The following HIP1 variants were observed in gnomAD, a reference collection of about 807,000 sequenced individuals.
HIP1 encodes huntingtin-interacting protein 1.
A neutral mutation model predicts 147.6 loss-of-function variants in HIP1; 65 were observed. The ratio of observed to expected loss-of-function variants is 0.44; its 90% CI spans 0.36 to 0.54. The LOEUF is 0.54. Ranked by LOEUF, HIP1 falls within the 20% of genes least tolerant of loss-of-function variation. The pLI is 0.00. For synonymous variants in HIP1, 479 were observed against 504.0 expected, an observed-to-expected ratio of 0.95 and a Z score of 0.67; for missense variants, 1,061 against 1,299.6, an observed-to-expected ratio of 0.82 and a Z score of 2.82.
intron 7 of HIP1, among the ~76,000 whole-genome samples, chr7:75,579,204 G>A (rs782107364): frequency 5.9e-5 from 9 of 152,228 alleles, no homozygotes; most frequent in East Asian, 5.8e-4. Flanking sequence ...TAGATTCTGC[G>A]TTTTATTTTT....
intron 1 of HIP1, among the ~76,000 whole-genome samples, chr7:75,710,144 G>A (rs888878239): frequency 6.6e-6 from 1 of 151,750 alleles, no homozygotes; most frequent in African/African-American, 2.4e-5. Context: ...GTGATCCTCC[G>A]ACCTTGGCCT....
chr7:75,559,703 G>GGCCCCCCCC, intron 14 of HIP1, 29 bp downstream of exon 14: 1 of 1,195,144 alleles, frequency 8.4e-7, no homozygotes, highest in Non-Finnish European at 1.2e-6. Flanking sequence ...TGCCCCCGGG[G>GGCCCCCCCC]CCCGCCCCCG....
At chr7:75,547,100 T>A in intron 24 of HIP1, 68 bp from the exon 25 acceptor site, 1 of 1,306,772 alleles carries the variant, frequency 7.7e-7, no homozygotes, top group Non-Finnish European at 1.1e-6. Flanking sequence ...GACGGTTCTC[T>A]TCCCCACTCC....
chr7:75,725,026 T>C (rs1290745205), intron 1 of HIP1, among the ~76,000 whole-genome samples: 1 of 151,990 alleles, frequency 6.6e-6, no homozygotes, highest in Non-Finnish European at 1.5e-5. Context: ...GGGAGTTCTG[T>C]TGTGTTGGTT....
intron 14 of HIP1, among the ~76,000 whole-genome samples, chr7:75,559,480 C>G (rs1466599428): frequency 6.6e-6 from 1 of 152,168 alleles, no homozygotes; most frequent in Non-Finnish European, 1.5e-5. Context: ...ATCCACTGCC[C>G]AGGGCAAGCA....
intron 1 of HIP1, among the ~76,000 whole-genome samples, chr7:75,638,736 GCCCT>G (rs1798529837): frequency 6.6e-6 from 1 of 152,060 alleles, no homozygotes; most frequent in Admixed American, 6.5e-5. Context: ...CGGCGGCGCT[GCCCT>G]CCCTCCCGTC....
At chr7:75,676,950 T>A (rs1282868713) in intron 1 of HIP1, among the ~76,000 whole-genome samples, 1 of 151,932 alleles carries the variant, frequency 6.6e-6, no homozygotes, top group Non-Finnish European at 1.5e-5. Flanking sequence ...ACCCCAGCAC[T>A]TTGGGAGGCC....
At chr7:75,562,436 G>A (rs1795259236) in intron 11 of HIP1, among the ~76,000 whole-genome samples, 1 of 152,062 alleles carries the variant, frequency 6.6e-6, no homozygotes, top group African/African-American at 2.4e-5. Context: ...GTATAGGTGT[G>A]TGCCACCATA....
intron 4 of HIP1, 36 bp from the exon 5 acceptor site, chr7:75,586,869 A>G: frequency 1.5e-6 from 2 of 1,308,404 alleles, no homozygotes; most frequent in Non-Finnish European, 2.2e-6. Flanking sequence ...AGTCAACAAC[A>G]AGAACATAAC....
At chr7:75,595,235 T>TTCCTTCCTTCCTTCCTTC (rs1563230194) in intron 2 of HIP1, among the ~76,000 whole-genome samples, 3 of 109,464 alleles carry the variant, frequency 2.7e-5, no homozygotes, top group East Asian at 2.5e-4. Context: ...TTTCTTTCTT[T>TTCCTTCCTTCCTTCCTTC]CTTTCTTTCT....
chr7:75,681,290 C>T (rs553945844), intron 1 of HIP1, among the ~76,000 whole-genome samples: 1 of 152,212 alleles, frequency 6.6e-6, no homozygotes, highest in East Asian at 1.9e-4. Context: ...ACCCTGCAGG[C>T]GCTCTGCACT....
chr7:75,697,599 G>T (rs1470858253), intron 1 of HIP1, among the ~76,000 whole-genome samples: 1 of 152,144 alleles, frequency 6.6e-6, no homozygotes, highest in Non-Finnish European at 1.5e-5. Context: ...GATCACTTGA[G>T]GTCAGGAGTT....
At chr7:75,549,269 C>G (rs1364843864) in intron 22 of HIP1, among the ~76,000 whole-genome samples, 1 of 152,190 alleles carries the variant, frequency 6.6e-6, no homozygotes, top group Non-Finnish European at 1.5e-5. Flanking sequence ...TCCGCCACCA[C>G]TAAGACCCCA....
intron 4 of HIP1, among the ~76,000 whole-genome samples, chr7:75,589,683 CAAAAAAAAAAAAAAAA>C (rs1159535613): frequency 2.2e-4 from 11 of 49,642 alleles, no homozygotes; most frequent in Admixed American, 3.6e-4. Context: ...ACTCTGTCTC[CAAAAAAAAAAAAAAAA>C]AAAAAAAAAA....
intron 1 of HIP1, among the ~76,000 whole-genome samples, chr7:75,621,238 C>G (rs1336695781): frequency 6.6e-6 from 1 of 152,102 alleles, no homozygotes; most frequent in African/African-American, 2.4e-5. Context: ...GGAAGTGAGC[C>G]TGGTACACAC....
At chr7:75,725,679 T>C (rs1204528007) in intron 1 of HIP1, among the ~76,000 whole-genome samples, 3 of 152,218 alleles carry the variant, frequency 2.0e-5, no homozygotes, top group African/African-American at 7.2e-5. Context: ...TTTATTTTCA[T>C]GGGTGTATAG....
chr7:75,624,887 A>G (rs1797981331), intron 1 of HIP1, among the ~76,000 whole-genome samples: 1 of 152,104 alleles, frequency 6.6e-6, no homozygotes. Context: ...TTCATCCATC[A>G]AATCTATATT....
intron 1 of HIP1, among the ~76,000 whole-genome samples, chr7:75,617,507 G>A (rs1363241076): frequency 6.6e-6 from 1 of 152,022 alleles, no homozygotes; most frequent in African/African-American, 2.4e-5. Context: ...GTGACCCACC[G>A]CGCCCAGCCT....
intron 7 of HIP1, among the ~76,000 whole-genome samples, chr7:75,578,941 G>C (rs1035506436): frequency 2.6e-5 from 4 of 151,818 alleles, no homozygotes; most frequent in Admixed American, 2.6e-4. Context: ...TCAGCCATCT[G>C]AGTAGCTGGG....
Sources: gnomAD v4.1 joint callset for allele counts (sites outside exome capture counted in the v4.1 genomes callset) on GRCh38, gnomAD v4.1.1 for gene constraint, MANE v1.5 for transcripts, NCBI Gene and HGNC (gene_info 2026-07-23, HGNC 2026-07-21) for gene names.